MBD5: variants seen among roughly 807,000 people sequenced by gnomAD.
The protein encoded by MBD5 is methyl-CpG binding domain protein 5.
In MBD5, 13 loss-of-function variants were observed where a neutral mutation model predicts 117.3. The ratio of observed to expected loss-of-function variants is 0.11; its 90% confidence interval spans 0.07 to 0.18. MBD5 has a LOEUF of 0.18. Ranked by LOEUF, MBD5 falls within the 10% of genes least tolerant of loss-of-function variation. MBD5 has a pLI of 1.00. For missense variants in MBD5, 1,879 were observed against 2,093.8 expected (o/e 0.90, Z 2.00); for synonymous variants, 727 against 766.4 (o/e 0.95, Z 0.85).
intron 4 of MBD5, among the ~76,000 whole-genome samples, chr2:148,360,783 T>G (rs1304329675): frequency 1.3e-5 from 2 of 152,194 alleles, no homozygotes; most frequent in African/African-American, 4.8e-5. Flanking sequence ...TGTGACAGTC[T>G]ATATGATCAT....
intron 1 of MBD5, among the ~76,000 whole-genome samples, chr2:148,128,139 A>G (rs1049010802): frequency 2.6e-5 from 4 of 152,128 alleles, no homozygotes; most frequent in Non-Finnish European, 5.9e-5. Flanking sequence ...AAACCTTGTC[A>G]GATGGATAGA....
chr2:148,206,089 C>G (rs1333466765), intron 2 of MBD5, among the ~76,000 whole-genome samples: 1 of 151,082 alleles, frequency 6.6e-6, no homozygotes, highest in African/African-American at 2.4e-5. Context: ...CGTCACTGCA[C>G]TCCAACTTGT....
chr2:148,383,362 T>A (rs1316256034), intron 4 of MBD5, among the ~76,000 whole-genome samples: 1 of 152,122 alleles, frequency 6.6e-6, no homozygotes, highest in Admixed American at 6.5e-5. Flanking sequence ...CTAGAAGAAA[T>A]GGATAAATTC....
chr2:148,254,556 G>A (rs1195353024), intron 3 of MBD5, among the ~76,000 whole-genome samples: 1 of 152,112 alleles, frequency 6.6e-6, no homozygotes, highest in Admixed American at 6.5e-5. Flanking sequence ...CATTTATGCA[G>A]GCATCTGGGC....
chr2:148,468,984 G>A lies in MBD5; in HGVS notation c.1041G>A (p.Gln347=), dbSNP rs746751148. The part of the protein sequence containing the change: ...PPPPPPSCAL[Q]KKPLTSEKDP... ...CTCCTCCACCTTCTTGTGCTCTTCA[G>A]AAAAAGCCATTAACATCTGAGAAAG... The change falls in exon 8 of 14, where the codon CAG becomes CAA. Residue 347 remains glutamine (Q), a synonymous_variant. Transcript: ENST00000642680. 10 of 1,613,320 alleles carry A rather than the reference G, an allele frequency of 6.2e-6. No individual in the cohort carries two copies. The highest frequency in any genetic ancestry group is 7.6e-6 in the Non-Finnish European group (9 of 1,179,856).
intron 1 of MBD5, among the ~76,000 whole-genome samples, chr2:148,109,908 C>G (rs546738581): frequency 6.6e-6 from 1 of 152,192 alleles, no homozygotes; most frequent in South Asian, 2.1e-4. Context: ...TAATCTGCCA[C>G]TTTCTTGGCA....
At chr2:148,488,106 C>A (rs1436644799) in intron 10 of MBD5, among the ~76,000 whole-genome samples, 1 of 152,162 alleles carries the variant, frequency 6.6e-6, no homozygotes, top group East Asian at 1.9e-4. Context: ...AGGGCACACC[C>A]TCAGAGAGCA....
At chr2:148,464,720 A>T (rs1295756602) in intron 7 of MBD5, among the ~76,000 whole-genome samples, 1 of 150,756 alleles carries the variant, frequency 6.6e-6, no homozygotes, top group Non-Finnish European at 1.5e-5. Context: ...GCACTTTGGG[A>T]GGCTGAAGTG....
intron 2 of MBD5, among the ~76,000 whole-genome samples, chr2:148,219,554 G>A (rs1328968398): frequency 1.3e-5 from 2 of 152,178 alleles, no homozygotes; most frequent in Non-Finnish European, 2.9e-5. Context: ...CTAATAGAGA[G>A]TTGTAAGGTT....
intron 3 of MBD5, among the ~76,000 whole-genome samples, chr2:148,311,155 A>T (rs1329836497): frequency 6.6e-6 from 1 of 152,192 alleles, no homozygotes; most frequent in Admixed American, 6.5e-5. Context: ...GTACATGTCT[A>T]TTAGGTCGGC....
chr2:148,288,048 C>T lies in MBD5; in HGVS notation c.-679-54166C>T, dbSNP rs190880085. On this transcript the variant is annotated intron_variant, in intron 3 of 13. Transcript: ENST00000642680. Reference sequence around the variant, plus strand: ...TCATCAACTATGGCATTTTTAAGTACCATGAAAGTGTGTGTTATGTTGGTG... The same window carrying T: ...TCATCAACTATGGCATTTTTAAGTATCATGAAAGTGTGTGTTATGTTGGTG... 3.5e-3 allele frequency among the ~76,000 whole-genome samples: 418 copies of T among 120,468 alleles called. 4 individuals carry two copies. The highest frequency in any genetic ancestry group is 9.7e-3 in the African/African-American group (379 of 39,216). The allele number at this position is 120,468 out of a possible 152,430, so 79.0% of individuals were successfully genotyped here. A position where few individuals can be genotyped will look rare whatever the true frequency, so the allele number is the denominator to read the frequency against.
At chr2:148,033,821 C>G (rs1255283408) in intron 1 of MBD5, among the ~76,000 whole-genome samples, 2 of 152,160 alleles carry the variant, frequency 1.3e-5, no homozygotes, top group African/African-American at 4.8e-5. Flanking sequence ...GCTTTTACAG[C>G]AGATTGGCAT....
intron 3 of MBD5, among the ~76,000 whole-genome samples, chr2:148,315,585 G>A (rs949447192): frequency 6.6e-6 from 1 of 152,078 alleles, no homozygotes; most frequent in African/African-American, 2.4e-5. Flanking sequence ...ATACATTTTA[G>A]GTGACTTTGC....
At chr2:148,086,954 A>G (rs1019114388) in intron 1 of MBD5, among the ~76,000 whole-genome samples, 3 of 152,132 alleles carry the variant, frequency 2.0e-5, no homozygotes, top group African/African-American at 7.2e-5. Context: ...TGCCACAATA[A>G]TGACAGAAAA....
intron 2 of MBD5, among the ~76,000 whole-genome samples, chr2:148,210,005 T>C (rs2106003344): frequency 6.6e-6 from 1 of 152,256 alleles, no homozygotes; most frequent in South Asian, 2.1e-4. Context: ...CAAACACATA[T>C]AAAATAGAAA....
At chr2:148,400,325 C>T (rs142098780) in intron 4 of MBD5, among the ~76,000 whole-genome samples, 6 of 152,028 alleles carry the variant, frequency 3.9e-5, no homozygotes, top group African/African-American at 1.4e-4. Flanking sequence ...AGGGTTAGCA[C>T]CTAAGACAGA....
At chr2:148,334,601 T>C (rs1054077150) in intron 3 of MBD5, among the ~76,000 whole-genome samples, 1 of 152,178 alleles carries the variant, frequency 6.6e-6, no homozygotes, top group Non-Finnish European at 1.5e-5. Context: ...GCCAAAGCAC[T>C]AGGATTACAG....
At chr2:148,149,185 C>T (rs1428984176) in intron 1 of MBD5, among the ~76,000 whole-genome samples, 16 of 142,656 alleles carry the variant, frequency 1.1e-4, no homozygotes, top group Admixed American at 7.2e-4. Flanking sequence ...TGAGAATATG[C>T]GGTGTTTGGT....
chr2:148,148,105 T>C (rs1468390910), intron 1 of MBD5, among the ~76,000 whole-genome samples: 1 of 152,206 alleles, frequency 6.6e-6, no homozygotes, highest in Non-Finnish European at 1.5e-5. Flanking sequence ...TGCCACTGAT[T>C]ATTTTTGACA....
Sources: gnomAD v4.1 joint callset for allele counts (sites outside exome capture counted in the v4.1 genomes callset) on GRCh38, gnomAD v4.1.1 for gene constraint, MANE v1.5 for transcripts, NCBI Gene and HGNC (gene_info 2026-07-23, HGNC 2026-07-21) for gene names.